Variants in HMGA2 observed in about 807,000 individuals in gnomAD.
HMGA2 encodes the protein high mobility group AT-hook 2.
In HMGA2, 8 loss-of-function variants were observed where a neutral mutation model predicts 19.1. The ratio of observed to expected loss-of-function variants is 0.42; its 90% CI spans 0.25 to 0.76. The LOEUF is 0.76. Among genes scored for constraint, HMGA2 ranks in the 30% least tolerant of loss-of-function variants. The pLI is 0.28. For missense variants in HMGA2, 109 were observed against 136.3 expected, an observed-to-expected ratio of 0.80 and a Z score of 1.00; for synonymous variants, 60 against 48.8, an observed-to-expected ratio of 1.23 and a Z score of -0.96.
At chr12:65,831,740 A>G (rs1434495824) in intron 2 of HMGA2, among the ~76,000 whole-genome samples, 1 of 151,910 alleles carries the variant, frequency 6.6e-6, no homozygotes, top group Non-Finnish European at 1.5e-5. Flanking sequence ...TGCTTTTCAT[A>G]ATCATTACCC....
intron 3 of HMGA2, among the ~76,000 whole-genome samples, chr12:65,854,314 C>G (rs1407732190): frequency 6.6e-6 from 1 of 152,192 alleles, no homozygotes; most frequent in Non-Finnish European, 1.5e-5. Flanking sequence ...CTTTCGTGCC[C>G]TTTCTCTGGT....
intron 2 of HMGA2, among the ~76,000 whole-genome samples, chr12:65,836,142 G>C (rs562945551): frequency 2.2e-4 from 34 of 152,142 alleles, no homozygotes; most frequent in Middle Eastern, 3.4e-3. Context: ...GGCGGATTAC[G>C]AGGTCAGGAG....
rs193271982 is a variant in HMGA2, at chr12:65,926,510, T to A, written c.250-24873T>A. On this transcript the variant is annotated intron_variant, in intron 3 of 4. Coordinates refer to ENST00000403681, the MANE Select transcript of HMGA2 (RefSeq NM_003483.6). ...CACTTAAAGTGATAGTAGCAAGTTT[T>A]TCTCTAACTGCAAGAGTGTGAAGTT... Among the ~76,000 whole-genome samples the A allele has an allele frequency of 1.5e-4, 23 of 152,364 alleles. No individual in the cohort carries two copies. The East Asian group carries it at 4.4e-3, about 29-fold the overall frequency.
At chr12:65,916,434 A>G (rs1381840477) in intron 3 of HMGA2, among the ~76,000 whole-genome samples, 1 of 152,078 alleles carries the variant, frequency 6.6e-6, no homozygotes, top group Non-Finnish European at 1.5e-5. Context: ...TCTTGTCTGC[A>G]TTTTTCTGCA....
chr12:65,849,334 T>G (rs1871356426), intron 3 of HMGA2, among the ~76,000 whole-genome samples: 1 of 152,220 alleles, frequency 6.6e-6, no homozygotes, highest in Admixed American at 6.5e-5. Context: ...TGGCCATCTC[T>G]GTGTCCCCTC....
chr12:65,946,811 A>G (rs1351369379), intron 3 of HMGA2, among the ~76,000 whole-genome samples: 1 of 152,372 alleles, frequency 6.6e-6, no homozygotes, highest in East Asian at 1.9e-4. Context: ...TGTGGATTTT[A>G]AAAATTCAGT....
At chr12:65,860,459 G>C (rs1167083166) in intron 3 of HMGA2, among the ~76,000 whole-genome samples, 1 of 152,168 alleles carries the variant, frequency 6.6e-6, no homozygotes, top group Non-Finnish European at 1.5e-5. Flanking sequence ...CTGTCTGTAT[G>C]AATGCCTTGC....
chr12:65,886,581 A>C (rs1231200316), intron 3 of HMGA2, among the ~76,000 whole-genome samples: 1 of 149,328 alleles, frequency 6.7e-6, no homozygotes, highest in Non-Finnish European at 1.5e-5. Context: ...CTGGTCTCGA[A>C]CTCCTGACCA....
intron 3 of HMGA2, among the ~76,000 whole-genome samples, chr12:65,889,315 C>T (rs1042936527): frequency 6.6e-6 from 1 of 152,160 alleles, no homozygotes; most frequent in East Asian, 1.9e-4. Flanking sequence ...CCACGAGCTG[C>T]CAGTGTTATT....
intron 3 of HMGA2, among the ~76,000 whole-genome samples, chr12:65,945,308 C>A (rs1876227982): frequency 1.3e-5 from 2 of 151,736 alleles, no homozygotes; most frequent in South Asian, 4.2e-4. Context: ...AAACACAAAT[C>A]TTGACATTCT....
In HMGA2 at chr12:65,825,519, C is replaced by G. The variant is rs567558552; in HGVS notation, c.111+138C>G. On this transcript the variant is annotated intron_variant, in intron 1 of 4. Coordinates refer to ENST00000403681, the MANE Select transcript of HMGA2 (RefSeq NM_003483.6). This position sits in a 1 kb window ranked among gnomAD's most constrained non-coding sequence, Gnocchi z 4.4. The stretch of plus-strand genomic sequence containing the variant: ...CTGCCCGCCGGCCGGCCGGGGGGAG[C>G]GGCGCAGACCCCACGAGTGCGCCGC... The G allele has an allele frequency of 0.016, 5,806 of 355,080 alleles. 61 individuals are homozygous for G. Among genetic ancestry groups the G allele is most frequent in the Non-Finnish European group, 0.022 (4,991 of 226,456 alleles). The allele number at this position is 355,080 out of a possible 1,614,324, so 22.0% of individuals were successfully genotyped here.
At chr12:65,949,772 G>A (rs1302236147) in intron 3 of HMGA2, among the ~76,000 whole-genome samples, 1 of 152,118 alleles carries the variant, frequency 6.6e-6, no homozygotes, top group East Asian at 1.9e-4. Flanking sequence ...ATACCACGAA[G>A]AAACTGAACA....
At chr12:65,872,229 T>TA (rs1397949295) in intron 3 of HMGA2, among the ~76,000 whole-genome samples, 1 of 152,216 alleles carries the variant, frequency 6.6e-6, no homozygotes, top group African/African-American at 2.4e-5. Context: ...GTCCCCGTCC[T>TA]GATGTCTCTT....
chr12:65,938,135 G>T (rs1875959863), intron 3 of HMGA2, among the ~76,000 whole-genome samples: 1 of 152,126 alleles, frequency 6.6e-6, no homozygotes, highest in East Asian at 1.9e-4. Flanking sequence ...GTGCCACTAT[G>T]AATGGACACT....
intron 3 of HMGA2, chr12:65,915,440 T>TA (rs1331757485): frequency 2.9e-5 from 37 of 1,261,514 alleles, no homozygotes; most frequent in Non-Finnish European, 3.7e-5. Context: ...GAACTCCAGT[T>TA]ACTCTCGTAC....
chr12:65,855,116 G>T (rs1312218209), intron 3 of HMGA2, among the ~76,000 whole-genome samples: 1 of 152,172 alleles, frequency 6.6e-6, no homozygotes, highest in Non-Finnish European at 1.5e-5. Flanking sequence ...TTGAGTACCT[G>T]CTTGCCCTTT....
At chr12:65,893,122 C>G (rs1438227216) in intron 3 of HMGA2, among the ~76,000 whole-genome samples, 1 of 152,154 alleles carries the variant, frequency 6.6e-6, no homozygotes, top group Non-Finnish European at 1.5e-5. Context: ...TGACTCAGCC[C>G]CCATTTCCTG....
intron 3 of HMGA2, among the ~76,000 whole-genome samples, chr12:65,888,849 C>T (rs1276472863): frequency 6.7e-6 from 1 of 148,582 alleles, no homozygotes; most frequent in Non-Finnish European, 1.5e-5. Flanking sequence ...AGGTGTGAGC[C>T]ACGGCGCCCG....
intron 3 of HMGA2, among the ~76,000 whole-genome samples, chr12:65,936,368 C>A (rs2121281347): frequency 6.6e-6 from 1 of 152,224 alleles, no homozygotes; most frequent in South Asian, 2.1e-4. Flanking sequence ...TCACACAATA[C>A]AAAGGAAATT....
Sources: allele counts gnomAD v4.1 joint callset (sites outside exome capture counted in the v4.1 genomes callset), GRCh38; gene constraint gnomAD v4.1.1; non-coding constraint Gnocchi (gnomAD v3.1); transcripts MANE v1.5; gene names NCBI Gene and HGNC (gene_info 2026-07-23, HGNC 2026-07-21).